The following HUNK variants were observed in gnomAD, a reference collection of about 807,000 sequenced individuals.
HUNK encodes the protein hormonally up-regulated neu tumor-associated kinase.
Under a neutral mutation model 61.0 loss-of-function variants are expected in HUNK, and 21 were observed. The observed-to-expected ratio is 0.34, with a 90% confidence interval of 0.24 to 0.50. The LOEUF (loss-of-function observed/expected upper bound fraction) is 0.50, where lower values mean the gene tolerates loss of function less well. Among genes scored for constraint, HUNK ranks in the 20% least tolerant of loss-of-function variants. The probability of loss-of-function intolerance (pLI) is 0.98; values close to 1 mark genes in which losing one functional copy is unlikely to be tolerated. For synonymous variants in HUNK, 371 were observed against 386.1 expected, an observed-to-expected ratio of 0.96 and a Z score of 0.46; for missense variants, 772 against 945.7, an observed-to-expected ratio of 0.82 and a Z score of 2.41.
At chr21:31,986,777 A>G (rs898630452) in intron 8 of HUNK, among the ~76,000 whole-genome samples, 1 of 151,664 alleles carries the variant, frequency 6.6e-6, no homozygotes, top group Non-Finnish European at 1.5e-5. Context: ...TCTTTGCTGA[A>G]CCTAAGTGTC....
chr21:31,876,867 C>A (rs2052266477), intron 1 of HUNK, among the ~76,000 whole-genome samples: 1 of 152,234 alleles, frequency 6.6e-6, no homozygotes, highest in East Asian at 1.9e-4. Flanking sequence ...AGGCTGGTCT[C>A]CAACTCCTGG....
intron 1 of HUNK, among the ~76,000 whole-genome samples, chr21:31,887,627 C>T (rs907835991): frequency 6.6e-6 from 1 of 152,202 alleles, no homozygotes; most frequent in Non-Finnish European, 1.5e-5. Context: ...TTGTATGTGA[C>T]GCTCCTCTCT....
intron 1 of HUNK, among the ~76,000 whole-genome samples, chr21:31,879,647 T>C (rs1448722795): frequency 1.3e-5 from 2 of 152,160 alleles, no homozygotes; most frequent in African/African-American, 4.8e-5. Context: ...TCTGTGAGAC[T>C]ATAGAATTCT....
intron 4 of HUNK, among the ~76,000 whole-genome samples, chr21:31,946,654 G>A (rs1046098544): frequency 7.9e-5 from 12 of 151,594 alleles, no homozygotes; most frequent in African/African-American, 2.2e-4. Context: ...TTTCTCTGTC[G>A]CCCAGGCTAG....
At chr21:31,959,045 A>G in intron 5 of HUNK, 75 bp downstream of exon 5, 3 of 1,379,694 alleles carry the variant, frequency 2.2e-6, no homozygotes, top group African/African-American at 2.9e-5. Context: ...GTGAAACAGT[A>G]TTTGTTTTGC....
chr21:31,908,078 TAAG>T (rs2052519629), intron 1 of HUNK, among the ~76,000 whole-genome samples: 1 of 152,080 alleles, frequency 6.6e-6, no homozygotes, highest in Admixed American at 6.6e-5. Context: ...AACAAAAACT[TAAG>T]GAGTATGTGT....
intron 3 of HUNK, among the ~76,000 whole-genome samples, chr21:31,942,035 C>T (rs372408615): frequency 6.6e-5 from 10 of 152,246 alleles, no homozygotes; most frequent in African/African-American, 2.4e-4. Context: ...CATGTGAAAC[C>T]CCCGTCTCTA....
At chr21:31,935,100 C>G (rs2052724506) in intron 2 of HUNK, among the ~76,000 whole-genome samples, 1 of 152,142 alleles carries the variant, frequency 6.6e-6, no homozygotes, top group Admixed American at 6.5e-5. Flanking sequence ...GCTCACTGTT[C>G]TGAATGGACT....
chr21:31,998,717 C>T lies in HUNK; in HGVS notation c.1678C>T (p.Arg560Cys), dbSNP rs145719858. ...KEDPLMLDMVRSFESVDRDDH... is the reference protein window; with the variant it reads ...KEDPLMLDMVCSFESVDRDDH... ...AGACCCCCTGATGCTGGACATGGTG[C>T]GCTCCTTCGAGTCTGTGGATCGCGA... Residue 560 changes from arginine to cysteine, a missense_variant, in exon 11 of 11, where the codon CGC (arginine) becomes TGC (cysteine). Around this residue, in one of 2 missense-constraint regions of HUNK, gnomAD observed 413 missense variants for 444.4 expected, o/e 0.93. Transcript: ENST00000270112. 28 of 1,614,116 alleles carry T rather than the reference C, an allele frequency of 1.7e-5. No homozygotes were observed. The highest frequency in any genetic ancestry group is 4.4e-5 in the South Asian group (4 of 91,074).
chr21:31,956,179 C>T lies in HUNK; in HGVS notation c.747-2664C>T, dbSNP rs529230249. On this transcript the variant is annotated intron_variant, in intron 4 of 10. Transcript: ENST00000270112. ...TTCCAGTTTTCAAAGATGTGAAGTG[C>T]TGATCATGGAAGAGCAACTGGTCTT... Among the ~76,000 whole-genome samples the T allele has an allele frequency of 2.6e-5, 4 of 152,318 alleles. No individual in the cohort carries two copies. The South Asian group carries it at 8.3e-4, about 32-fold the overall frequency.
intron 2 of HUNK, among the ~76,000 whole-genome samples, chr21:31,932,039 G>T (rs944392429): frequency 2.6e-5 from 4 of 152,104 alleles, no homozygotes; most frequent in Non-Finnish European, 5.9e-5. Context: ...ACCCATGGAT[G>T]CGTGCACATG....
At chr21:31,940,825 T>G (rs2052764082) in intron 3 of HUNK, among the ~76,000 whole-genome samples, 1 of 152,164 alleles carries the variant, frequency 6.6e-6, no homozygotes, top group Admixed American at 6.5e-5. Context: ...CTGTGGTCGC[T>G]CTGGGCAGAA....
At chr21:31,893,859 G>T (rs1032471973) in intron 1 of HUNK, among the ~76,000 whole-genome samples, 4 of 152,170 alleles carry the variant, frequency 2.6e-5, no homozygotes, top group Admixed American at 6.5e-5. Context: ...TAGTTGTAGG[G>T]ATAGCTTAAT....
intron 4 of HUNK, among the ~76,000 whole-genome samples, chr21:31,951,876 TC>T (rs1010817062): frequency 1.4e-4 from 22 of 152,212 alleles, no homozygotes; most frequent in African/African-American, 4.8e-4. Context: ...ATTAGTGTTT[TC>T]TCTGTGTTGA....
chr21:31,964,157 T>C (rs2052947801), intron 5 of HUNK, among the ~76,000 whole-genome samples: 1 of 152,216 alleles, frequency 6.6e-6, no homozygotes, highest in Non-Finnish European at 1.5e-5. Flanking sequence ...CAGGTTATGA[T>C]GGTTTTGTGC....
intron 8 of HUNK, among the ~76,000 whole-genome samples, chr21:31,989,587 G>A (rs762521117): frequency 5.9e-5 from 9 of 151,968 alleles, no homozygotes; most frequent in South Asian, 2.1e-4. Context: ...GGTGGTGCAC[G>A]CCTGTAATCC....
At chr21:31,903,872 A>G (rs1456600357) in intron 1 of HUNK, among the ~76,000 whole-genome samples, 1 of 152,252 alleles carries the variant, frequency 6.6e-6, no homozygotes, top group African/African-American at 2.4e-5. Flanking sequence ...ATCTAATGGG[A>G]TCAACAGTAT....
intron 1 of HUNK, among the ~76,000 whole-genome samples, chr21:31,885,849 C>T (rs987618463): frequency 1.3e-5 from 2 of 152,118 alleles, no homozygotes; most frequent in Non-Finnish European, 2.9e-5. Flanking sequence ...ATTTTCCTGC[C>T]TCAGCCTCCT....
chr21:31,983,668 A>C, intron 8 of HUNK, 59 bp downstream of exon 8: 1 of 1,255,208 alleles, frequency 8.0e-7, no homozygotes, highest in Non-Finnish European at 1.2e-6. Flanking sequence ...TTCCATTTGC[A>C]GTAATTGGAA....
Sources: gnomAD v4.1 joint callset for allele counts (sites outside exome capture counted in the v4.1 genomes callset) on GRCh38, gnomAD v4.1.1 for gene constraint, gnomAD v4.1.1 regional missense constraint, MANE v1.5 for transcripts, NCBI Gene and HGNC (gene_info 2026-07-23, HGNC 2026-07-21) for gene names.